Variants in ITGA2 observed in about 807,000 individuals in gnomAD.
The protein encoded by ITGA2 is integrin subunit alpha 2.
In ITGA2, 101 loss-of-function variants were observed where a neutral mutation model predicts 146.3. That is an observed-to-expected ratio of 0.69 (90% confidence interval 0.59 to 0.81). ITGA2 has a LOEUF of 0.81. Among genes scored for constraint, ITGA2 ranks in the 40% least tolerant of loss-of-function variants. The probability of loss-of-function intolerance (pLI) is 0.00; values close to 1 mark genes in which losing one functional copy is unlikely to be tolerated. For synonymous variants in ITGA2, 477 were observed against 487.1 expected (o/e 0.98, Z 0.27); for missense variants, 1,281 against 1,402.7 (o/e 0.91, Z 1.39).
At chr5:53,048,864 C>A in intron 6 of ITGA2, 94 bp downstream of exon 6, 2 of 1,377,162 alleles carry the variant, frequency 1.5e-6, no homozygotes, top group South Asian at 1.2e-5. Context: ...TTTGCCAAAT[C>A]CCCATTTTAA....
At chr5:53,053,090 G>T (rs1398169465) in intron 7 of ITGA2, among the ~76,000 whole-genome samples, 1 of 152,038 alleles carries the variant, frequency 6.6e-6, no homozygotes, top group African/African-American at 2.4e-5. Flanking sequence ...CTAGTCAGTC[G>T]AACTAAAAAT....
intron 2 of ITGA2, among the ~76,000 whole-genome samples, chr5:53,038,841 A>G (rs11750600): frequency 0.14 from 21,026 of 152,136 alleles, 1,666 homozygotes; most frequent in Middle Eastern, 0.18. Flanking sequence ...CAGTAATCCC[A>G]GTGTTTTAGG....
In ITGA2 at chr5:53,078,780, A is replaced by G. The variant is rs1244251358; in HGVS notation, c.2834A>G (p.Asn945Ser). Residue 945 changes from asparagine to serine, a missense_variant, in exon 24 of 30, where the codon AAC becomes AGC. By Grantham distance (46) the Asn-to-Ser change is conservative. This residue lies in a region of ITGA2 where 475 missense variants were observed against 530.5 expected (regional missense o/e 0.90). Transcript: ENST00000296585. Reference sequence around the variant, plus strand: ...CAAACATCATCCAACAGATCTACCAACATAAATTTTTATGAAATCTCTTCG... The same window carrying G: ...CAAACATCATCCAACAGATCTACCAGCATAAATTTTTATGAAATCTCTTCG... ...DAEIHLTRSTNINFYEISSDG... is the reference protein window; with the variant it reads ...DAEIHLTRSTSINFYEISSDG... 2 of 1,596,366 alleles carry G rather than the reference A, an allele frequency of 1.3e-6. No homozygotes were observed. Among genetic ancestry groups the G allele is most frequent in the South Asian group, 2.2e-5 (2 of 90,720 alleles).
rs200309148 is a variant in ITGA2 at position 53,073,216 on chromosome 5, T to C, written c.2528T>C (p.Val843Ala). Residue 843 changes from valine (V) to alanine (A), a missense_variant, in exon 20 of 30, where the codon GTT (valine) becomes GCT (alanine). Transcript: ENST00000296585. ...AGTGCATACAACACTGGAATTGTTG[T>C]TGATTTTTCAGAAAACTTGTTTTTT... ...RESAYNTGIVVDFSENLFFAS... is the reference protein window; with the variant it reads ...RESAYNTGIVADFSENLFFAS... The C allele has an allele frequency of 6.6e-5, 107 of 1,612,644 alleles. No homozygotes were observed. In the Middle Eastern group the frequency reaches 1.2e-3, roughly 17 times the overall value.
chr5:53,034,653 G>A (rs542999023), intron 2 of ITGA2, among the ~76,000 whole-genome samples: 1 of 152,092 alleles, frequency 6.6e-6, no homozygotes, highest in South Asian at 2.1e-4. Context: ...TTCCTCTGTG[G>A]TAATGTGTGA....
chr5:53,079,828 C>T (rs1745832515), intron 24 of ITGA2, among the ~76,000 whole-genome samples: 1 of 152,004 alleles, frequency 6.6e-6, no homozygotes, highest in Admixed American at 6.6e-5. Flanking sequence ...TATGTTATCC[C>T]ATTTAGTTCC....
At chr5:52,993,357 G>A (rs1267168360) in intron 1 of ITGA2, among the ~76,000 whole-genome samples, 1 of 152,128 alleles carries the variant, frequency 6.6e-6, no homozygotes, top group African/African-American at 2.4e-5. Flanking sequence ...TTAAATTTAT[G>A]GACTGGGGTT....
intron 28 of ITGA2, chr5:53,089,278 CAATT>C (rs1329696717): frequency 6.6e-6 from 1 of 152,016 alleles, no homozygotes; most frequent in African/African-American, 2.4e-5. Flanking sequence ...ACACTTTCCC[CAATT>C]AATTAAATTT....
chr5:53,038,375 C>T (rs1201825952), intron 2 of ITGA2, among the ~76,000 whole-genome samples: 14 of 152,104 alleles, frequency 9.2e-5, no homozygotes, highest in Admixed American at 9.2e-4. Flanking sequence ...TCCTACCTGT[C>T]ATTGGGTTTG....
At chr5:52,993,769 G>A (rs905282099) in intron 1 of ITGA2, among the ~76,000 whole-genome samples, 1 of 152,160 alleles carries the variant, frequency 6.6e-6, no homozygotes, top group African/African-American at 2.4e-5. Flanking sequence ...GAAAATATTT[G>A]GGGCCAAAAG....
intron 10 of ITGA2, among the ~76,000 whole-genome samples, chr5:53,058,622 C>T (rs1744752696): frequency 1.3e-5 from 2 of 151,660 alleles, no homozygotes; most frequent in African/African-American, 4.8e-5. Context: ...GAAACATCCA[C>T]CTCCTGGGCC....
In ITGA2 at chr5:52,989,953, C is replaced by A. The variant is rs1438825424; in HGVS notation, c.64+421C>A. The A allele has an allele frequency of 7.2e-5, 16 of 221,898 alleles. 1 individual carries two copies. Among genetic ancestry groups the A allele is most frequent in the Admixed American group, 7.0e-4 (14 of 19,902 alleles). The allele number at this position is 221,898 out of a possible 1,614,324, so 13.7% of individuals were successfully genotyped here. A position where few individuals can be genotyped will look rare whatever the true frequency, so the allele number is the denominator to read the frequency against. ...AGACAGGTGCCGCGCCTGCCAGAGA[C>A]CAGGGAAATCCGGAATCCATTGCTG... is the stretch of plus-strand genomic sequence containing the variant. On this transcript the variant is annotated intron_variant, in intron 1 of 29. Transcript: ENST00000296585.
intron 1 of ITGA2, among the ~76,000 whole-genome samples, chr5:53,004,819 C>T (rs1036219765): frequency 2.0e-5 from 3 of 146,894 alleles, no homozygotes; most frequent in African/African-American, 7.6e-5. Flanking sequence ...ATAAACCAAA[C>T]ATTGCAGAAC....
intron 16 of ITGA2, 25 bp downstream of exon 16, chr5:53,067,282 A>T (rs1174573443): frequency 1.2e-6 from 2 of 1,610,438 alleles, no homozygotes; most frequent in Non-Finnish European, 1.7e-6. Context: ...AATAATCTGT[A>T]TAGAAATTGG....
rs1318267030 is a variant in ITGA2 at position 53,091,703 on chromosome 5, TTTAA to T, written c.*1107_*1110del. On this transcript the variant is annotated 3_prime_UTR_variant, in exon 30 of 30. Coordinates refer to ENST00000296585, the MANE Select transcript of ITGA2 (RefSeq NM_002203.4). ...AGATATTAGGGGGGAAAGTCATCTG[TTTAA>T]TTTACACACTTGCATGAATTACTGT... 4 of 152,240 alleles carry T rather than the reference TTTAA, an allele frequency of 2.6e-5. No homozygotes were observed. Among genetic ancestry groups the T allele is most frequent in the African/African-American group, 9.6e-5 (4 of 41,452 alleles). The allele number at this position is 152,240 out of a possible 1,614,324, so 9.4% of individuals were successfully genotyped here. A position where few individuals can be genotyped will look rare whatever the true frequency, so the allele number is the denominator to read the frequency against.
intron 1 of ITGA2, among the ~76,000 whole-genome samples, chr5:52,994,164 CTACTT>C (rs1478059515): frequency 6.6e-6 from 1 of 152,124 alleles, no homozygotes; most frequent in Non-Finnish European, 1.5e-5. Flanking sequence ...TATAAGGTAT[CTACTT>C]TATGTAAGGC....
At chr5:53,016,628 G>T (rs1330773941) in intron 1 of ITGA2, among the ~76,000 whole-genome samples, 1 of 152,120 alleles carries the variant, frequency 6.6e-6, no homozygotes. Context: ...TTAAATGTTG[G>T]CGTCTGCAAT....
Position 53,055,995 on chromosome 5 carries a change from C to T in ITGA2, c.942C>T (p.Tyr314=), listed in dbSNP as rs1213432907. The change falls in exon 9 of 30, where the codon TAC becomes TAT. Residue 314 remains tyrosine, a synonymous_variant. Coordinates refer to ENST00000296585, the MANE Select transcript of ITGA2 (RefSeq NM_002203.4). The part of the protein sequence containing the change: ...ILRFGIAVLG[Y]LNRNALDTKN... ...CCTCTATTTTCAAGGTTCTTGGGTA[C>T]TTAAACAGAAACGCCCTTGATACTA... is the stretch of plus-strand genomic sequence containing the variant. 8 of 1,609,044 alleles carry T rather than the reference C, an allele frequency of 5.0e-6. No individual in the cohort carries two copies. In the East Asian group the frequency reaches 1.8e-4, roughly 36 times the overall value.
At chr5:53,005,730 G>T (rs189102387) in intron 1 of ITGA2, among the ~76,000 whole-genome samples, 274 of 152,174 alleles carry the variant, frequency 1.8e-3, no homozygotes, top group African/African-American at 6.3e-3. Flanking sequence ...TTAGACACTG[G>T]GTTGAGAGTT....
Sources: gnomAD v4.1 joint callset for allele counts (sites outside exome capture counted in the v4.1 genomes callset) on GRCh38, gnomAD v4.1.1 for gene constraint, gnomAD v4.1.1 regional missense constraint, MANE v1.5 for transcripts, NCBI Gene and HGNC (gene_info 2026-07-23, HGNC 2026-07-21) for gene names.